The following NHS variants were observed in gnomAD, a reference collection of about 807,000 sequenced individuals.
The protein encoded by NHS is NHS actin remodeling regulator, also known as actin remodeling regulator NHS.
NHS carries 5 observed loss-of-function variants against 72.5 expected under a neutral mutation model. That is an observed-to-expected ratio of 0.07 (90% CI 0.04 to 0.14). NHS has a LOEUF of 0.14. Ranked by LOEUF, NHS falls within the 10% of genes least tolerant of loss-of-function variation. The pLI, the probability that NHS is intolerant of heterozygous loss-of-function variation, is 1.00. For missense variants in NHS, 1,072 were observed against 1,355.7 expected (o/e 0.79, Z 3.29); for synonymous variants, 464 against 547.7 (o/e 0.85, Z 2.13).
In NHS at chrX:17,434,682, A is replaced by T. The variant is rs886129541; in HGVS notation, c.565+58360A>T. 5.4e-5 allele frequency among the ~76,000 whole-genome samples: 6 copies of T among 110,504 alleles called. No individual in the cohort carries two copies. In the Admixed American group the frequency reaches 5.8e-4, roughly 11 times the overall value. ...ATGGTCTCAATCTCCTGATCTCGTG[A>T]TCCACCTGCCTTGGCCTCCCAAAGT... On this transcript the variant is annotated intron_variant, in intron 1 of 8. Transcript: ENST00000676302.
At chrX:17,590,005 G>A (rs1472847830) in intron 1 of NHS, among the ~76,000 whole-genome samples, 1 of 111,601 alleles carries the variant, frequency 9.0e-6, no homozygotes, top group Non-Finnish European at 1.9e-5. Flanking sequence ...GTCTATTCAT[G>A]TCCTTGTTTG....
rs1289577183 is a variant in NHS at position 17,375,712 on chromosome X, A to T, written c.-46A>T. 8.7e-7 allele frequency: 1 copy of T among 1,144,854 alleles called. No homozygotes were observed. Among genetic ancestry groups the T allele is most frequent in the Non-Finnish European group, 1.2e-6 (1 of 864,728 alleles). The allele number at this position is 1,144,854 out of a possible 1,213,427, so 94.3% of individuals were successfully genotyped here. ...TGGGCGCGCCCGGTCTCCAGCTCAC[A>T]GGGGCGCTTGGAGGAGACCAGAAAG... On this transcript the variant is annotated 5_prime_UTR_variant, in exon 1 of 9. Coordinates refer to ENST00000676302, the MANE Select transcript of NHS (RefSeq NM_001291867.2).
chrX:17,462,237 C>T (rs1187062992), intron 1 of NHS, among the ~76,000 whole-genome samples: 1 of 111,449 alleles, frequency 9.0e-6, no homozygotes, highest in Non-Finnish European at 1.9e-5. Context: ...TATATATATT[C>T]ATTTAAGCCA....
intron 4 of NHS, 92 bp downstream of exon 4, chrX:17,719,498 T>C: frequency 1.4e-6 from 1 of 711,157 alleles, no homozygotes; most frequent in South Asian, 3.7e-5. Context: ...TGGAAAACTT[T>C]CTTGTTTCTA....
At chrX:17,535,140 C>T (rs1019278032) in intron 1 of NHS, among the ~76,000 whole-genome samples, 1 of 111,897 alleles carries the variant, frequency 8.9e-6, no homozygotes, top group African/African-American at 3.3e-5. Flanking sequence ...TCACTTACCC[C>T]CTCTCCCACT....
chrX:17,415,130 C>T (rs888824457), intron 1 of NHS, among the ~76,000 whole-genome samples: 2 of 111,589 alleles, frequency 1.8e-5, no homozygotes, highest in East Asian at 2.8e-4. Context: ...TGTTCTCTGC[C>T]GGGACACTGG....
chrX:17,557,109 TTGTGTGTGTGTGTGTGTGTGTG>T (rs56659086), intron 1 of NHS: 1 of 87,674 alleles, frequency 1.1e-5, no homozygotes. Flanking sequence ...AAGGGGGATT[TTGTGTGTGTGTGTGTGTGTGTG>T]TGTGTGTGTG....
At chrX:17,653,727 T>C (rs923489769) in intron 1 of NHS, among the ~76,000 whole-genome samples, 4 of 111,472 alleles carry the variant, frequency 3.6e-5, no homozygotes, top group Non-Finnish European at 7.5e-5. Context: ...GGGATTGCTG[T>C]CGAGGGCAGC....
chrX:17,615,596 C>T (rs1462987574), intron 1 of NHS, among the ~76,000 whole-genome samples: 1 of 110,001 alleles, frequency 9.1e-6, no homozygotes, highest in East Asian at 2.9e-4. Flanking sequence ...CTCCATGAGC[C>T]CATCACTCCT....
At chrX:17,717,591 A>C (rs1209416398) in intron 3 of NHS, among the ~76,000 whole-genome samples, 1 of 112,645 alleles carries the variant, frequency 8.9e-6, no homozygotes. Context: ...TCTGGTTACC[A>C]GATTATTCTC....
intron 1 of NHS, among the ~76,000 whole-genome samples, chrX:17,441,162 G>A (rs1412993146): frequency 8.9e-6 from 1 of 112,393 alleles, no homozygotes; most frequent in Admixed American, 9.4e-5. Flanking sequence ...GGCAGACGTT[G>A]GGGAAGAGGG....
intron 1 of NHS, among the ~76,000 whole-genome samples, chrX:17,575,714 C>G (rs369638578): frequency 5.4e-4 from 61 of 112,541 alleles, no homozygotes; most frequent in African/African-American, 1.9e-3. Flanking sequence ...TGTTGTACCT[C>G]CAGCACTCAG....
rs758765354 is a variant in NHS, at chrX:17,713,091, ATTTTGAGACAGTCTCAAGGG to A, written c.853-6252_853-6233del. Among the ~76,000 whole-genome samples the A allele has an allele frequency of 2.8e-3, 310 of 111,731 alleles. 1 individual carries two copies. Among genetic ancestry groups the A allele is most frequent in the Non-Finnish European group, 5.0e-3 (266 of 53,117 alleles). ...AGAGCACAATGCCAACCTTTGGGAG[ATTTTGAGACAGTCTCAAGGG>A]AATAAAAAAGTACTACATAATTGTA... is the stretch of plus-strand genomic sequence containing the variant. On this transcript the variant is annotated intron_variant, in intron 3 of 8. Coordinates refer to ENST00000676302, the MANE Select transcript of NHS (RefSeq NM_001291867.2).
intron 1 of NHS, among the ~76,000 whole-genome samples, chrX:17,538,320 G>A (rs773980692): frequency 8.1e-5 from 9 of 111,755 alleles, no homozygotes; most frequent in Non-Finnish European, 1.1e-4. Context: ...CATGAGGAAT[G>A]GAGCAAATGC....
At chrX:17,485,356 C>G (rs1013677059) in intron 1 of NHS, among the ~76,000 whole-genome samples, 19 of 112,668 alleles carry the variant, frequency 1.7e-4, no homozygotes, top group African/African-American at 5.5e-4. Flanking sequence ...ACATTCTGCA[C>G]ACAACATCCA....
intron 1 of NHS, among the ~76,000 whole-genome samples, chrX:17,513,272 C>T (rs2065099494): frequency 8.9e-6 from 1 of 111,956 alleles, no homozygotes; most frequent in Admixed American, 9.5e-5. Context: ...CTTAATTTCC[C>T]ATGGTAGGTT....
intron 1 of NHS, among the ~76,000 whole-genome samples, chrX:17,428,467 G>C (rs2064668504): frequency 1.8e-5 from 2 of 112,122 alleles, no homozygotes; most frequent in Admixed American, 9.5e-5. Context: ...TGATACCTCG[G>C]TTTGGGGCTG....
At chrX:17,483,996 C>G (rs2064957459) in intron 1 of NHS, among the ~76,000 whole-genome samples, 1 of 111,866 alleles carries the variant, frequency 8.9e-6, no homozygotes, top group Non-Finnish European at 1.9e-5. Flanking sequence ...GTCTCCCAGC[C>G]AATGTTAGGT....
chrX:17,467,262 A>G (rs1325938529), intron 1 of NHS, among the ~76,000 whole-genome samples: 1 of 112,618 alleles, frequency 8.9e-6, no homozygotes, highest in African/African-American at 3.2e-5. Flanking sequence ...AAAGAAAAAA[A>G]GACAGAAATG....
Sources: allele counts gnomAD v4.1 joint callset (sites outside exome capture counted in the v4.1 genomes callset), GRCh38; gene constraint gnomAD v4.1.1; transcripts MANE v1.5; gene names NCBI Gene and HGNC (gene_info 2026-07-23, HGNC 2026-07-21).